The following GPR107 variants were observed in gnomAD, a reference collection of about 807,000 sequenced individuals.
The protein encoded by GPR107 is protein GPR107.
In GPR107, 31 loss-of-function variants were observed where a neutral mutation model predicts 75.5. The observed-to-expected ratio is 0.41, with a 90% CI of 0.31 to 0.55. GPR107 has a LOEUF of 0.55. Among genes scored for constraint, GPR107 ranks in the 20% least tolerant of loss-of-function variants. The probability of loss-of-function intolerance (pLI) is 0.26; values close to 1 mark genes in which losing one functional copy is unlikely to be tolerated. For missense variants in GPR107, 572 were observed against 665.7 expected (o/e 0.86, Z 1.55); for synonymous variants, 267 against 251.3 (o/e 1.06, Z -0.59).
chr9:130,074,089 A>G (rs548557588), intron 1 of GPR107, among the ~76,000 whole-genome samples: 8 of 152,316 alleles, frequency 5.3e-5, no homozygotes, highest in Non-Finnish European at 8.8e-5. Context: ...GTTGAGGGGA[A>G]ACAGGGACCA....
intron 8 of GPR107, 60 bp downstream of exon 8, chr9:130,091,043 T>C (rs865895766): frequency 1.6e-5 from 12 of 756,620 alleles, no homozygotes; most frequent in African/African-American, 1.6e-4. Flanking sequence ...GGGAGATTTG[T>C]TTCTGTATAA....
intron 8 of GPR107, 150 bp downstream of exon 8, chr9:130,091,133 G>T: frequency 6.6e-6 from 4 of 605,816 alleles, no homozygotes; most frequent in Non-Finnish European, 1.2e-5. Context: ...TTCAGCAGAG[G>T]ATTCATAGGA....
At chr9:130,080,471 G>GTTTGTTTGTTTA (rs141234005) in intron 5 of GPR107, among the ~76,000 whole-genome samples, 1 of 146,604 alleles carries the variant, frequency 6.8e-6, no homozygotes, top group Non-Finnish European at 1.5e-5. Context: ...AGGTATTCCT[G>GTTTGTTTGTTTA]TTTATTTATT....
intron 14 of GPR107, among the ~76,000 whole-genome samples, chr9:130,108,492 G>T (rs1230667166): frequency 6.6e-6 from 1 of 152,194 alleles, no homozygotes; most frequent in African/African-American, 2.4e-5. Flanking sequence ...TCACGCCAGG[G>T]TCAGCCCTAG....
At chr9:130,072,304 C>T (rs1201486761) in intron 1 of GPR107, among the ~76,000 whole-genome samples, 8 of 151,618 alleles carry the variant, frequency 5.3e-5, no homozygotes, top group African/African-American at 1.5e-4. Flanking sequence ...CTGCAGGCTC[C>T]GCCCCCTGGG....
intron 1 of GPR107, among the ~76,000 whole-genome samples, chr9:130,058,268 G>C (rs980678915): frequency 2.0e-5 from 3 of 152,226 alleles, no homozygotes; most frequent in African/African-American, 7.2e-5. Context: ...TTGTTAGTAA[G>C]TTTACCGAGT....
At position 130,115,658 on chromosome 9, in the gene GPR107, G is replaced by A. The variant is rs533559460; in HGVS notation, c.1306+8119G>A. ...TGGGTGCCTGTAGTGCCAGCTACTC[G>A]GGAGGCTGAGGCAGGAGAATGGTGT... On this transcript the variant is annotated intron_variant, in intron 14 of 17. Transcript: ENST00000347136. 5.2e-5 allele frequency among the ~76,000 whole-genome samples: 7 copies of A among 134,164 alleles called. No homozygotes were observed. In the South Asian group the frequency reaches 8.0e-4, roughly 15 times the overall value. The allele number at this position is 134,164 out of a possible 152,430, so 88.0% of individuals were successfully genotyped here.
intron 14 of GPR107, among the ~76,000 whole-genome samples, chr9:130,110,011 C>A (rs1006764081): frequency 1.3e-5 from 2 of 152,162 alleles, no homozygotes; most frequent in African/African-American, 4.8e-5. Context: ...GTTGGCGAGG[C>A]TTACCTGTGT....
At chr9:130,115,571 C>G (rs1831403234) in intron 14 of GPR107, among the ~76,000 whole-genome samples, 1 of 151,876 alleles carries the variant, frequency 6.6e-6, no homozygotes, top group African/African-American at 2.4e-5. Context: ...TCGAGACCAT[C>G]CTGGCTAACA....
intron 1 of GPR107, among the ~76,000 whole-genome samples, chr9:130,055,692 C>A (rs1829766356): frequency 6.6e-6 from 1 of 152,080 alleles, no homozygotes; most frequent in Admixed American, 6.6e-5. Context: ...CACCTATAAT[C>A]CTAGCACTTT....
At chr9:130,085,245 G>T (rs913215026) in intron 6 of GPR107, among the ~76,000 whole-genome samples, 9 of 152,246 alleles carry the variant, frequency 5.9e-5, no homozygotes, top group African/African-American at 2.2e-4. Flanking sequence ...GGGTGATGAG[G>T]ATCTGGACTA....
intron 1 of GPR107, among the ~76,000 whole-genome samples, chr9:130,067,894 G>A (rs1269562448): frequency 4.6e-5 from 7 of 151,362 alleles, no homozygotes; most frequent in South Asian, 2.1e-4. Flanking sequence ...ACAAGCGGGC[G>A]CCACCACGCC....
At chr9:130,078,609 G>A (rs550506747) in intron 4 of GPR107, among the ~76,000 whole-genome samples, 19 of 152,276 alleles carry the variant, frequency 1.2e-4, no homozygotes, top group Middle Eastern at 3.4e-3. Context: ...ACAGGCCTGC[G>A]GTGGCTTGCT....
intron 15 of GPR107, among the ~76,000 whole-genome samples, chr9:130,126,141 A>G (rs182256326): frequency 8.4e-4 from 128 of 152,164 alleles, no homozygotes; most frequent in Non-Finnish European, 1.7e-3. Context: ...GTGGTAATAA[A>G]TTTTCCTTAA....
At chr9:130,098,876 C>T (rs949299217) in intron 9 of GPR107, among the ~76,000 whole-genome samples, 3 of 134,600 alleles carry the variant, frequency 2.2e-5, no homozygotes, top group African/African-American at 5.2e-5. Flanking sequence ...GACATCTTGG[C>T]GCACGCCTGT....
chr9:130,101,087 T>C lies in GPR107; in HGVS notation c.1014-19T>C. On this transcript the variant is annotated intron_variant, in intron 11 of 17. Coordinates refer to ENST00000347136, the MANE Select transcript of GPR107 (RefSeq NM_020960.5). ...TCTAAAGAGACCTGCTGGTGTCTGTTCCTTGTTTTCTCTTCCAGTTTGAAA... is the reference window on the plus strand; with the variant it reads ...TCTAAAGAGACCTGCTGGTGTCTGTCCCTTGTTTTCTCTTCCAGTTTGAAA... 7.3e-7 allele frequency: 1 copy of C among 1,368,670 alleles called. No homozygotes were observed. 84.8% of individuals were successfully genotyped at this position (1,368,670 alleles called of 1,614,324 possible). A position where few individuals can be genotyped will look rare whatever the true frequency, so the allele number is the denominator to read the frequency against.
chr9:130,108,128 T>C (rs1831204311), intron 14 of GPR107, among the ~76,000 whole-genome samples: 1 of 152,246 alleles, frequency 6.6e-6, no homozygotes, highest in African/African-American at 2.4e-5. Flanking sequence ...TCTGGGCTTA[T>C]TTGAATAATG....
intron 8 of GPR107, 128 bp from the exon 9 acceptor site, chr9:130,092,120 G>C: frequency 4.1e-6 from 3 of 729,326 alleles, no homozygotes; most frequent in Non-Finnish European, 7.0e-6. Context: ...GATTACAGGT[G>C]TGAGCCACCA....
At chr9:130,062,179 C>T (rs540187374) in intron 1 of GPR107, among the ~76,000 whole-genome samples, 275 of 151,954 alleles carry the variant, frequency 1.8e-3, no homozygotes, top group Admixed American at 3.5e-3. Context: ...CTTTAGGAGG[C>T]CAAGGCGGGT....
Sources: allele counts gnomAD v4.1 joint callset (sites outside exome capture counted in the v4.1 genomes callset), GRCh38; gene constraint gnomAD v4.1.1; transcripts MANE v1.5; gene names NCBI Gene and HGNC (gene_info 2026-07-23, HGNC 2026-07-21).